COX10: variants seen among roughly 807,000 people sequenced by gnomAD.
COX10 encodes protoheme IX farnesyltransferase, mitochondrial.
A neutral mutation model predicts 37.3 loss-of-function variants in COX10; 27 were observed. The ratio of observed to expected loss-of-function variants is 0.72; its 90% CI spans 0.53 to 1.00. The LOEUF is 1.00. Among genes scored for constraint, COX10 ranks in the 50% least tolerant of loss-of-function variants. The probability of loss-of-function intolerance (pLI) is 0.00; values close to 1 mark genes in which losing one functional copy is unlikely to be tolerated. For synonymous variants in COX10, 222 were observed against 229.1 expected, an observed-to-expected ratio of 0.97 and a Z score of 0.28; for missense variants, 475 against 563.2, an observed-to-expected ratio of 0.84 and a Z score of 1.59.
At chr17:14,197,067 T>C (rs1253677554) in intron 6 of COX10, among the ~76,000 whole-genome samples, 2 of 152,096 alleles carry the variant, frequency 1.3e-5, no homozygotes, top group Admixed American at 6.5e-5. Context: ...CAGTAGATGG[T>C]AGTCAAGATG....
At chr17:14,113,359 ATTGGG>A (rs1916046155) in intron 4 of COX10, among the ~76,000 whole-genome samples, 1 of 152,078 alleles carries the variant, frequency 6.6e-6, no homozygotes, top group Non-Finnish European at 1.5e-5. Flanking sequence ...AAAACCTGTC[ATTGGG>A]TTGAACTTGT....
chr17:14,115,762 G>A (rs1433400281), intron 4 of COX10, among the ~76,000 whole-genome samples: 1 of 152,084 alleles, frequency 6.6e-6, no homozygotes, highest in Non-Finnish European at 1.5e-5. Flanking sequence ...TAAGTAAAAC[G>A]AGTCAGACAC....
intron 5 of COX10, chr17:14,177,068 G>A (rs2142253349): frequency 2.5e-6 from 1 of 403,212 alleles, no homozygotes; most frequent in South Asian, 1.1e-4. Context: ...TTCCCAAGGA[G>A]AATACAGAGG....
In COX10 at chr17:14,159,905, T is replaced by C. The variant is rs1291596636; in HGVS notation, c.653T>C (p.Met218Thr). 1.9e-6 allele frequency: 3 copies of C among 1,612,638 alleles called. No individual in the cohort carries two copies. Among genetic ancestry groups the C allele is most frequent in the Non-Finnish European group, 2.5e-6 (3 of 1,179,684 alleles). The change falls in exon 5 of 7, where the codon ATG (methionine) becomes ACG (threonine). Residue 218 changes from methionine to threonine, a missense_variant. Around this residue, in one of 5 missense-constraint regions of COX10, gnomAD observed 54 missense variants for 70.6 expected, o/e 0.76. Transcript: ENST00000261643. ...QFFEVPFDSNMNRTKNRPLVR... is the reference protein window; with the variant it reads ...QFFEVPFDSNTNRTKNRPLVR... ...TTTGAGGTGCCATTTGACTCAAACA[T>C]GAATAGGACAAAGAACAGACCGCTG...
intron 4 of COX10, among the ~76,000 whole-genome samples, chr17:14,112,266 C>G (rs79233752): frequency 2.0e-5 from 3 of 152,244 alleles, no homozygotes; most frequent in Non-Finnish European, 4.4e-5. Flanking sequence ...GTTCACACTT[C>G]CACAGAATTT....
At chr17:14,140,831 G>C (rs1291712311) in intron 4 of COX10, among the ~76,000 whole-genome samples, 1 of 152,026 alleles carries the variant, frequency 6.6e-6, no homozygotes, top group African/African-American at 2.4e-5. Flanking sequence ...TTGTTGCAAA[G>C]CTTTCAGAAT....
intron 3 of COX10, among the ~76,000 whole-genome samples, chr17:14,084,846 G>A (rs2142188181): frequency 6.6e-6 from 1 of 152,274 alleles, no homozygotes; most frequent in South Asian, 2.1e-4. Context: ...TTTTAGTAGA[G>A]ACGGGGTTTC....
At chr17:14,118,584 G>A (rs530957747) in intron 4 of COX10, among the ~76,000 whole-genome samples, 1 of 152,256 alleles carries the variant, frequency 6.6e-6, no homozygotes, top group South Asian at 2.1e-4. Flanking sequence ...CTTGATGGCA[G>A]GAGGGTGGCT....
chr17:14,185,482 T>C (rs1905997086), intron 5 of COX10, among the ~76,000 whole-genome samples: 1 of 151,798 alleles, frequency 6.6e-6, no homozygotes, highest in African/African-American at 2.4e-5. Flanking sequence ...TGAACACTCT[T>C]TTCTAACCTT....
At chr17:14,191,027 C>A (rs1187476545) in intron 5 of COX10, among the ~76,000 whole-genome samples, 1 of 152,100 alleles carries the variant, frequency 6.6e-6, no homozygotes, top group African/African-American at 2.4e-5. Context: ...ACTACACAAA[C>A]ATATCTTACT....
At position 14,076,901 on chromosome 17, in the gene COX10, A is replaced by G; in HGVS notation, c.344A>G (p.Glu115Gly). The change falls in exon 3 of 7, where the codon GAA becomes GGA. Residue 115 changes from glutamate to glycine, a missense_variant. Glu to Gly is a moderately conservative substitution (Grantham distance 98). This residue lies in a region of COX10 where 242 missense variants were observed against 242.5 expected (regional missense o/e 1.00). Coordinates refer to ENST00000261643, the MANE Select transcript of COX10 (RefSeq NM_001303.4). ...CTATCTTTGTCCAGAAAGCCAAATG[A>G]AAAGGAATTGATAGAACTAGAGCCA... ...PSLSLSRKPN[E>G]KELIELEPDS... 4 of 1,614,182 alleles carry G rather than the reference A, an allele frequency of 2.5e-6. No individual in the cohort carries two copies. The highest frequency in any genetic ancestry group is 3.4e-6 in the Non-Finnish European group (4 of 1,180,030).
chr17:14,173,319 G>A (rs1385738880), intron 5 of COX10, among the ~76,000 whole-genome samples: 5 of 152,232 alleles, frequency 3.3e-5, no homozygotes, highest in Admixed American at 2.6e-4. Flanking sequence ...AGATACCAAA[G>A]AAGGAATACA....
intron 3 of COX10, among the ~76,000 whole-genome samples, chr17:14,079,923 T>C (rs1250766246): frequency 7.2e-5 from 11 of 151,990 alleles, no homozygotes; most frequent in Non-Finnish European, 4.4e-5. Flanking sequence ...CTTATGACAG[T>C]ATAGTTTTCA....
chr17:14,104,213 A>G (rs1209141879), intron 4 of COX10, among the ~76,000 whole-genome samples: 1 of 152,100 alleles, frequency 6.6e-6, no homozygotes, highest in Non-Finnish European at 1.5e-5. Context: ...GCATCACAAC[A>G]CTTTAAAAAT....
In COX10 at chr17:14,207,406, G is replaced by T; in HGVS notation, c.*193G>T. 1 of 711,570 alleles carries T rather than the reference G, an allele frequency of 1.4e-6. No individual in the cohort carries two copies. Among genetic ancestry groups the T allele is most frequent in the Non-Finnish European group, 2.2e-6 (1 of 451,522 alleles). 44.1% of individuals were successfully genotyped at this position (711,570 alleles called of 1,614,324 possible). On this transcript the variant is annotated 3_prime_UTR_variant, in exon 7 of 7. Transcript: ENST00000261643. ...TGCTCCCCAAATAAGAAATGCATCAGCTCAGTCAGTGAATACAAAAAAGGA... is the reference window on the plus strand; with the variant it reads ...TGCTCCCCAAATAAGAAATGCATCATCTCAGTCAGTGAATACAAAAAAGGA...
rs201636778 is a variant in COX10 at position 14,084,752 on chromosome 17, C to A, written c.499+7696C>A. Among the ~76,000 whole-genome samples, 9 of 152,228 alleles carry A rather than the reference C, an allele frequency of 5.9e-5. No individual in the cohort carries two copies. In the East Asian group the frequency reaches 1.7e-3, roughly 29 times the overall value. On this transcript the variant is annotated intron_variant, in intron 3 of 6. Coordinates refer to ENST00000261643, the MANE Select transcript of COX10 (RefSeq NM_001303.4). ...CTCGGCTCACTGCAACCTCCGCCTC[C>A]CGGGTTCAAGCCATTCTCTTGCCTC...
chr17:14,176,175 G>T (rs902486038), intron 5 of COX10, among the ~76,000 whole-genome samples: 5 of 151,748 alleles, frequency 3.3e-5, no homozygotes, highest in Non-Finnish European at 7.4e-5. Context: ...CAAAATTCAG[G>T]CTGGCTACCA....
chr17:14,113,224 A>G (rs560817939), intron 4 of COX10, among the ~76,000 whole-genome samples: 31 of 152,192 alleles, frequency 2.0e-4, no homozygotes, highest in Middle Eastern at 3.4e-3. Flanking sequence ...TGTTTGTTCA[A>G]TATCTTCATT....
chr17:14,127,927 A>G (rs3220192), intron 4 of COX10, among the ~76,000 whole-genome samples: 33 of 143,690 alleles, frequency 2.3e-4, no homozygotes, highest in Admixed American at 9.7e-4. Flanking sequence ...GAGTGTGTGT[A>G]TGTGTGTGTG....
Sources: allele counts gnomAD v4.1 joint callset (sites outside exome capture counted in the v4.1 genomes callset), GRCh38; gene constraint gnomAD v4.1.1; regional missense constraint gnomAD v4.1.1; transcripts MANE v1.5; gene names NCBI Gene and HGNC (gene_info 2026-07-23, HGNC 2026-07-21).